Variants in CHM observed in about 807,000 individuals in gnomAD.
The protein encoded by CHM is CHM Rab escort protein, also known as rab proteins geranylgeranyltransferase component A 1.
A neutral mutation model predicts 49.0 loss-of-function variants in CHM; 10 were observed. The ratio of observed to expected loss-of-function variants is 0.20; its 90% confidence interval spans 0.13 to 0.35. The LOEUF is 0.35. Ranked by LOEUF, CHM falls within the 10% of genes least tolerant of loss-of-function variation. The pLI, the probability that CHM is intolerant of heterozygous loss-of-function variation, is 1.00. For synonymous variants in CHM, 184 were observed against 167.5 expected (o/e 1.10, Z -0.76); for missense variants, 455 against 478.4 (o/e 0.95, Z 0.46).
At chrX:85,985,875 C>T (rs909574917) in intron 2 of CHM, among the ~76,000 whole-genome samples, 2 of 111,465 alleles carry the variant, frequency 1.8e-5, no homozygotes, top group Non-Finnish European at 3.8e-5. Context: ...TAACTCCACA[C>T]CAGGCAGGTC....
At chrX:85,880,534 A>G (rs975638864) in intron 12 of CHM, among the ~76,000 whole-genome samples, 1 of 111,544 alleles carries the variant, frequency 9.0e-6, no homozygotes, top group Non-Finnish European at 1.9e-5. Context: ...ATTTGGGAAA[A>G]AGCAGATGAA....
rs1925673197 is a variant in CHM, at chrX:85,894,242, CA to C, written c.1455del (p.Phe485LeufsTer13). Reference protein sequence around the residue: ...LTVPAEEPGTFAVRVIELCSS... With the variant: ...LTVPAEEPGTXAVRVIELCSS... ...GAACATAACTCAATGACCCGAACAG[CA>C]AAAGTTCCTGGTTCCTCTGCTGGCA... On this transcript the variant is annotated frameshift_variant, in exon 12 of 15. Transcript: ENST00000357749. LOFTEE classifies it high-confidence loss of function. The C allele has an allele frequency of 8.3e-7, 1 of 1,208,987 alleles. No individual in the cohort carries two copies. The highest frequency in any genetic ancestry group is 2.2e-5 in the Admixed American group (1 of 45,685).
intron 12 of CHM, among the ~76,000 whole-genome samples, chrX:85,883,947 A>G (rs1924918388): frequency 9.0e-6 from 1 of 111,189 alleles, no homozygotes; most frequent in Non-Finnish European, 1.9e-5. Flanking sequence ...GTGTATGAGT[A>G]AGTACTGCAA....
At chrX:85,969,210 G>A in intron 4 of CHM, 8 of 738,115 alleles carry the variant, frequency 1.1e-5, no homozygotes, top group Non-Finnish European at 1.3e-5. Flanking sequence ...GGGAAACAAC[G>A]TTCAGTACAA....
intron 1 of CHM, among the ~76,000 whole-genome samples, 195 bp from the exon 2 acceptor site, chrX:86,027,752 A>C (rs944925681): frequency 1.8e-5 from 2 of 111,403 alleles, no homozygotes; most frequent in African/African-American, 3.3e-5. Context: ...CATACTGAAA[A>C]TTTTATTATG....
At chrX:85,891,135 G>A (rs1925423681) in intron 12 of CHM, among the ~76,000 whole-genome samples, 1 of 111,925 alleles carries the variant, frequency 8.9e-6, no homozygotes, top group Admixed American at 9.5e-5. Context: ...GCATTCAAAA[G>A]GTGACTTGGG....
At chrX:85,957,722 G>T in intron 7 of CHM, 133 bp downstream of exon 7, 1 of 706,190 alleles carries the variant, frequency 1.4e-6, no homozygotes, top group Non-Finnish European at 2.0e-6. Flanking sequence ...GTTACTAATG[G>T]CTAACCTATT....
chrX:85,887,233 C>T (rs192000093), intron 12 of CHM, among the ~76,000 whole-genome samples: 1 of 110,546 alleles, frequency 9.0e-6, no homozygotes, highest in East Asian at 2.9e-4. Context: ...CGGGAGGTAA[C>T]TGAATAATGG....
At chrX:85,952,063 G>A (rs1368432545) in intron 8 of CHM, among the ~76,000 whole-genome samples, 6 of 112,082 alleles carry the variant, frequency 5.4e-5, no homozygotes, top group African/African-American at 9.7e-5. Context: ...GCTGGAACTC[G>A]AGTGTCTCAG....
chrX:85,893,885 TA>T (rs777094206), intron 12 of CHM, among the ~76,000 whole-genome samples: 82 of 110,665 alleles, frequency 7.4e-4, no homozygotes, highest in African/African-American at 2.7e-3. Context: ...AAATTAACAA[TA>T]AAAAAAATGT....
At chrX:85,873,307 G>C (rs1569393855) in intron 13 of CHM, 95 bp from the exon 14 acceptor site, 3 of 606,228 alleles carry the variant, frequency 4.9e-6, no homozygotes, top group Non-Finnish European at 7.6e-6. Context: ...GCCATGACTA[G>C]ACATAGTAGG....
intron 2 of CHM, among the ~76,000 whole-genome samples, chrX:85,991,522 T>C (rs181540354): frequency 1.8e-5 from 2 of 111,624 alleles, no homozygotes; most frequent in African/African-American, 3.2e-5. Context: ...TTCTAAAATG[T>C]ACCCCATCAA....
intron 3 of CHM, among the ~76,000 whole-genome samples, chrX:85,981,227 CATAT>C (rs1163763402): frequency 8.9e-5 from 4 of 45,093 alleles, no homozygotes; most frequent in East Asian, 5.5e-4. Context: ...TATAGACACA[CATAT>C]TTTTTTTTTT....
chrX:86,001,295 G>T (rs1002692969), intron 2 of CHM, among the ~76,000 whole-genome samples: 2 of 109,147 alleles, frequency 1.8e-5, no homozygotes, highest in Non-Finnish European at 3.8e-5. Context: ...AAGAAATCAG[G>T]AACAGCTTAA....
chrX:85,878,880 G>A, intron 13 of CHM, 85 bp downstream of exon 13: 1 of 670,757 alleles, frequency 1.5e-6, no homozygotes, highest in South Asian at 2.4e-5. Context: ...TTCAGTTCAG[G>A]TTGCAGAAAC....
chrX:86,032,555 T>G (rs1042513378), intron 1 of CHM, among the ~76,000 whole-genome samples: 1 of 112,075 alleles, frequency 8.9e-6, no homozygotes, highest in African/African-American at 3.2e-5. Flanking sequence ...TTAAAATCAT[T>G]TTTTAAAAAG....
chrX:85,914,771 G>A (rs1465654510), intron 8 of CHM, among the ~76,000 whole-genome samples: 2 of 111,039 alleles, frequency 1.8e-5, no homozygotes, highest in East Asian at 2.9e-4. Context: ...TGCCTCCCAC[G>A]CCCAATTGCA....
intron 4 of CHM, among the ~76,000 whole-genome samples, chrX:85,973,357 A>C (rs1931079207): frequency 1.9e-5 from 2 of 105,043 alleles, no homozygotes; most frequent in Admixed American, 1.0e-4. Context: ...ATCAAACCAT[A>C]GATTCTACCC....
intron 2 of CHM, among the ~76,000 whole-genome samples, chrX:85,988,124 C>T (rs956486532): frequency 2.7e-5 from 3 of 112,031 alleles, no homozygotes; most frequent in Admixed American, 9.5e-5. Context: ...TACTTGCAAA[C>T]GGAATCCAGC....
Sources: gnomAD v4.1 joint callset for allele counts (sites outside exome capture counted in the v4.1 genomes callset) on GRCh38, gnomAD v4.1.1 for gene constraint, MANE v1.5 for transcripts, NCBI Gene and HGNC (gene_info 2026-07-23, HGNC 2026-07-21) for gene names.